The following KLHL22 variants were observed in gnomAD, a reference collection of about 807,000 sequenced individuals.
KLHL22 encodes kelch like family member 22.
In KLHL22, 18 loss-of-function variants were observed where a neutral mutation model predicts 60.7. That is an observed-to-expected ratio of 0.30 (90% confidence interval 0.20 to 0.44). KLHL22 has a LOEUF of 0.44. Among genes scored for constraint, KLHL22 ranks in the 20% least tolerant of loss-of-function variants. The probability of loss-of-function intolerance (pLI) is 1.00; values close to 1 mark genes in which losing one functional copy is unlikely to be tolerated. For synonymous variants in KLHL22, 355 were observed against 354.5 expected (o/e 1.00, Z -0.01); for missense variants, 596 against 852.3 (o/e 0.70, Z 3.74).
intron 1 of KLHL22, among the ~76,000 whole-genome samples, chr22:20,494,196 C>T (rs2053735056): frequency 6.6e-6 from 1 of 151,948 alleles, no homozygotes; most frequent in Non-Finnish European, 1.5e-5. Flanking sequence ...TATAGCGCGA[C>T]CCTTTCTCTA....
intron 2 of KLHL22, chr22:20,488,702 A>AGG: frequency 2.0e-6 from 1 of 498,048 alleles, no homozygotes; most frequent in Non-Finnish European, 3.6e-6. Flanking sequence ...GAGAGAAAGG[A>AGG]GGAAAGAAAA....
rs2053137458 is a variant in KLHL22 at position 20,460,608 on chromosome 22, CCCAAAAAAAAAAAAAAAAAAA to C, written c.1113-2629_1113-2609del. 5.8e-4 allele frequency among the ~76,000 whole-genome samples: 19 copies of C among 32,684 alleles called. 1 individual carries two copies. The highest frequency in any genetic ancestry group is 2.1e-4 in the African/African-American group (2 of 9,478). The allele number at this position is 32,684 out of a possible 152,430, so 21.4% of individuals were successfully genotyped here. A position where few individuals can be genotyped will look rare whatever the true frequency, so the allele number is the denominator to read the frequency against. Reference sequence around the variant, plus strand: ...TGGGCGACAGAGTGAAACTCCATCCCCCAAAAAAAAAAAAAAAAAAAAAAAAAAAAAAAAAAAAAGACACCA... The same window carrying C: ...TGGGCGACAGAGTGAAACTCCATCCCAAAAAAAAAAAAAAAAAAGACACCA... On this transcript the variant is annotated intron_variant, in intron 4 of 6. Transcript: ENST00000328879.
Position 20,442,108 on chromosome 22 carries a change from C to A in KLHL22, c.1870G>T (p.Asp624Tyr). 6.6e-7 allele frequency: 1 copy of A among 1,512,422 alleles called. No individual in the cohort carries two copies. Among genetic ancestry groups the A allele is most frequent in the South Asian group, 1.3e-5 (1 of 75,058 alleles). 93.7% of individuals were successfully genotyped at this position (1,512,422 alleles called of 1,614,324 possible). A position where few individuals can be genotyped will look rare whatever the true frequency, so the allele number is the denominator to read the frequency against. The change falls in exon 7 of 7, where the codon GAC becomes TAC. Residue 624 changes from aspartate to tyrosine, a missense_variant. Physicochemically the swap from Asp to Tyr is radical, Grantham distance 160. Transcript: ENST00000328879. The part of the protein sequence containing the change: ...DFASEVMSVS[D>Y]WEEFDNSSED ...CTGGAGTTGTCAAACTCCTCCCAGTCAGACACACTCATCACCTCAGAGGCA... is the reference window on the plus strand; with the variant it reads ...CTGGAGTTGTCAAACTCCTCCCAGTAAGACACACTCATCACCTCAGAGGCA...
intron 2 of KLHL22, among the ~76,000 whole-genome samples, chr22:20,485,692 AC>A (rs201977469): frequency 0.034 from 5,135 of 151,722 alleles, 279 homozygotes; most frequent in African/African-American, 0.12. Context: ...ACATGGCAAA[AC>A]CCCGCCTCTA....
At chr22:20,489,819 A>C (rs2053653453) in intron 1 of KLHL22, 1 of 470,808 alleles carries the variant, frequency 2.1e-6, no homozygotes, top group Admixed American at 2.4e-5. Flanking sequence ...GTGGGTGCCA[A>C]GGGGGTGGCA....
chr22:20,492,211 T>G (rs1043407139), intron 1 of KLHL22, among the ~76,000 whole-genome samples: 1 of 152,126 alleles, frequency 6.6e-6, no homozygotes, highest in African/African-American at 2.4e-5. Flanking sequence ...AACCTCACTG[T>G]TTTAATATTT....
intron 1 of KLHL22, among the ~76,000 whole-genome samples, chr22:20,494,943 C>T (rs2053746381): frequency 1.3e-5 from 2 of 152,230 alleles, no homozygotes; most frequent in African/African-American, 2.4e-5. Context: ...AAACTCAATC[C>T]TTGGCAGCAT....
chr22:20,458,475 G>C (rs146492332), intron 4 of KLHL22, among the ~76,000 whole-genome samples: 12 of 121,180 alleles, frequency 9.9e-5, no homozygotes, highest in Admixed American at 3.6e-4. Flanking sequence ...TTTTGATAGA[G>C]ACAAGGTCTT....
At chr22:20,490,905 C>T (rs956838640) in intron 1 of KLHL22, among the ~76,000 whole-genome samples, 5 of 152,090 alleles carry the variant, frequency 3.3e-5, no homozygotes, top group Non-Finnish European at 4.4e-5. Context: ...CTGGGGGTTG[C>T]GGACCCCTGC....
At chr22:20,449,964 G>A (rs1189698143) in intron 5 of KLHL22, among the ~76,000 whole-genome samples, 3 of 152,174 alleles carry the variant, frequency 2.0e-5, no homozygotes, top group Admixed American at 6.5e-5. Context: ...GGGCCGGGGC[G>A]GCGGCGGCGA....
At chr22:20,460,191 C>T (rs552768334) in intron 4 of KLHL22, among the ~76,000 whole-genome samples, 3 of 152,250 alleles carry the variant, frequency 2.0e-5, no homozygotes, top group Admixed American at 1.3e-4. Flanking sequence ...TCACCATCTG[C>T]ACCCCAAGTG....
chr22:20,480,827 CTTTTTTTTTT>C (rs760373717), intron 2 of KLHL22, among the ~76,000 whole-genome samples: 1 of 121,568 alleles, frequency 8.2e-6, no homozygotes, highest in Admixed American at 8.4e-5. Flanking sequence ...TTACGCCAAA[CTTTTTTTTTT>C]TTTTTTTTTT....
At chr22:20,449,210 G>A (rs1173072138) in intron 5 of KLHL22, among the ~76,000 whole-genome samples, 10 of 151,458 alleles carry the variant, frequency 6.6e-5, no homozygotes, top group African/African-American at 1.9e-4. Flanking sequence ...ATAGACGTCC[G>A]CCACCACATC....
chr22:20,493,950 C>T (rs574840345), intron 1 of KLHL22, among the ~76,000 whole-genome samples: 4 of 152,088 alleles, frequency 2.6e-5, no homozygotes, highest in African/African-American at 9.6e-5. Context: ...GTTATCCCAG[C>T]TACTGGGAAG....
intron 5 of KLHL22, among the ~76,000 whole-genome samples, chr22:20,448,861 T>A (rs2052925608): frequency 6.6e-6 from 1 of 152,220 alleles, no homozygotes; most frequent in African/African-American, 2.4e-5. Flanking sequence ...CCCTGCACAG[T>A]CACCAGTATT....
At chr22:20,488,956 C>A in intron 2 of KLHL22, 29 bp downstream of exon 2, 1 of 1,604,116 alleles carries the variant, frequency 6.2e-7, no homozygotes, top group Non-Finnish European at 8.5e-7. Context: ...CTTTGTTATT[C>A]TTCTTACAAA....
chr22:20,465,093 G>A lies in KLHL22; in HGVS notation c.877C>T (p.Leu293=). ...ACAACGCACTGGAAGTCCGACCGCA[G>A]CTCCGTTTGCGGGCTCTGCAGGCTG... ...QPSLQSPQTE[L]RSDFQCVVGF... Residue 293 remains leucine, a synonymous_variant, in exon 4 of 7, where the codon CTG becomes TTG. Transcript: ENST00000328879. This position sits in a 1 kb window ranked among gnomAD's most constrained non-coding sequence, Gnocchi z 4.9. 6.2e-7 allele frequency: 1 copy of A among 1,613,762 alleles called. No individual in the cohort carries two copies. The highest frequency in any genetic ancestry group is 8.5e-7 in the Non-Finnish European group (1 of 1,179,914).
intron 2 of KLHL22, chr22:20,483,791 G>A: frequency 1.3e-6 from 1 of 745,872 alleles, no homozygotes; most frequent in Non-Finnish European, 2.4e-6. Context: ...CCAGCTTCCG[G>A]TTCTCGGTCT....
chr22:20,447,494 G>T lies in KLHL22; in HGVS notation c.1306-818C>A, dbSNP rs891958208. Among the ~76,000 whole-genome samples the T allele has an allele frequency of 2.0e-5, 3 of 152,022 alleles. No individual in the cohort carries two copies. In the East Asian group the frequency reaches 5.8e-4, roughly 29 times the overall value. On this transcript the variant is annotated intron_variant, in intron 5 of 6. Transcript: ENST00000328879. ...TGGGGAGGAAGAACACACACCAAGG[G>T]TTTGGTTTGGGTCTTCTCCTATCAC...
Sources: allele counts gnomAD v4.1 joint callset (sites outside exome capture counted in the v4.1 genomes callset), GRCh38; gene constraint gnomAD v4.1.1; non-coding constraint Gnocchi (gnomAD v3.1); transcripts MANE v1.5; gene names NCBI Gene and HGNC (gene_info 2026-07-23, HGNC 2026-07-21).